The following HPSE2 variants were observed in gnomAD, a reference collection of about 807,000 sequenced individuals.
HPSE2 encodes heparanase 2 (inactive).
Under a neutral mutation model 60.5 loss-of-function variants are expected in HPSE2, and 38 were observed. The ratio of observed to expected loss-of-function variants is 0.63; its 90% CI spans 0.48 to 0.82. The LOEUF (loss-of-function observed/expected upper bound fraction) is 0.82, where lower values mean the gene tolerates loss of function less well. Among genes scored for constraint, HPSE2 ranks in the 40% least tolerant of loss-of-function variants. HPSE2 has a pLI of 0.00. For synonymous variants in HPSE2, 295 were observed against 293.2 expected (o/e 1.01, Z -0.06); for missense variants, 713 against 740.4 (o/e 0.96, Z 0.43).
intron 3 of HPSE2, among the ~76,000 whole-genome samples, chr10:99,043,309 C>T (rs1957783743): frequency 6.6e-6 from 1 of 152,040 alleles, no homozygotes; most frequent in African/African-American, 2.4e-5. Context: ...ACGGTGAAAC[C>T]CCATCTCTAC....
At chr10:98,998,932 G>A (rs1053786570) in intron 3 of HPSE2, among the ~76,000 whole-genome samples, 2 of 152,158 alleles carry the variant, frequency 1.3e-5, no homozygotes, top group African/African-American at 4.8e-5. Context: ...TGCCCGAAGG[G>A]CAAGCCAAGT....
At chr10:99,312,672 G>T in the HPSE2 span, among the ~76,000 whole-genome samples, 1 of 152,182 alleles carries the variant, frequency 6.6e-6, no homozygotes. Flanking sequence ...TTTCACATGT[G>T]CCAACACGTC....
intron 9 of HPSE2, among the ~76,000 whole-genome samples, chr10:98,515,573 A>T (rs1441188521): frequency 6.6e-6 from 1 of 152,330 alleles, no homozygotes; most frequent in East Asian, 1.9e-4. Flanking sequence ...TTTAAGGGGA[A>T]ATAAAACATG....
At chr10:98,824,962 A>G (rs1237782790) in intron 3 of HPSE2, among the ~76,000 whole-genome samples, 1 of 152,210 alleles carries the variant, frequency 6.6e-6, no homozygotes, top group African/African-American at 2.4e-5. Context: ...TTCACTCAAC[A>G]GACATTTATC....
At chr10:98,525,062 G>A (rs1207104075) in intron 9 of HPSE2, among the ~76,000 whole-genome samples, 1 of 152,312 alleles carries the variant, frequency 6.6e-6, no homozygotes, top group East Asian at 1.9e-4. Context: ...CCAGGCTGGA[G>A]TGCAATGGCA....
At chr10:98,652,300 T>C (rs563693350) in intron 6 of HPSE2, among the ~76,000 whole-genome samples, 1 of 152,268 alleles carries the variant, frequency 6.6e-6, no homozygotes, top group Non-Finnish European at 1.5e-5. Context: ...AACACCAACA[T>C]AGTGCATTGG....
At chr10:98,607,691 A>G (rs139050586) in intron 9 of HPSE2, among the ~76,000 whole-genome samples, 1 of 152,328 alleles carries the variant, frequency 6.6e-6, no homozygotes, top group African/African-American at 2.4e-5. Flanking sequence ...GTTGCTAGAA[A>G]ATTATAAAAA....
chr10:98,475,580 C>CAGAAATATA (rs1564904601), intron 11 of HPSE2, among the ~76,000 whole-genome samples: 19 of 151,920 alleles, frequency 1.3e-4, no homozygotes, highest in African/African-American at 4.4e-4. Flanking sequence ...TGGCATCTTT[C>CAGAAATATA]CCTCTGAGAA....
At chr10:98,489,876 A>G (rs552336436) in intron 10 of HPSE2, among the ~76,000 whole-genome samples, 175 bp downstream of exon 10, 1 of 152,364 alleles carries the variant, frequency 6.6e-6, no homozygotes, top group South Asian at 2.1e-4. Flanking sequence ...GTTTACTTGG[A>G]GTAAAAGCTA....
the HPSE2 span, among the ~76,000 whole-genome samples, chr10:99,242,387 T>C: frequency 6.6e-6 from 1 of 152,346 alleles, no homozygotes; most frequent in East Asian, 1.9e-4. Context: ...AACTCTGGTC[T>C]TTGTCCTTAC....
At chr10:99,268,271 C>G in the HPSE2 span, among the ~76,000 whole-genome samples, 100 of 152,230 alleles carry the variant, frequency 6.6e-4, 1 homozygote, top group Non-Finnish European at 7.4e-5. Context: ...ACTACCAACC[C>G]AACACTACAA....
intron 9 of HPSE2, among the ~76,000 whole-genome samples, chr10:98,513,736 C>T (rs1942497698): frequency 6.6e-6 from 1 of 152,214 alleles, no homozygotes; most frequent in African/African-American, 2.4e-5. Flanking sequence ...CTTGTTTCAA[C>T]AACTTGGAGA....
rs541216985 is a variant in HPSE2 at position 99,166,822 on chromosome 10, TG to T, written c.449-22424del. Among the ~76,000 whole-genome samples the T allele has an allele frequency of 4.6e-3, 690 of 151,086 alleles. 4 individuals are homozygous for T. Among genetic ancestry groups the T allele is most frequent in the African/African-American group, 0.015 (634 of 41,040 alleles). ...AGATTGCACTCACTGCACTCCAGCCTGGTGACAGAGTGAGACTCCATCTCAA... is the reference window on the plus strand; with the variant it reads ...AGATTGCACTCACTGCACTCCAGCCTGTGACAGAGTGAGACTCCATCTCAA... On this transcript the variant is annotated intron_variant, in intron 2 of 11. Coordinates refer to ENST00000370552, the MANE Select transcript of HPSE2 (RefSeq NM_021828.5).
intron 6 of HPSE2, among the ~76,000 whole-genome samples, chr10:98,659,083 C>A (rs562688977): frequency 6.6e-6 from 1 of 152,224 alleles, no homozygotes; most frequent in Non-Finnish European, 1.5e-5. Context: ...ATTAAGCAGT[C>A]ACTCACCATT....
chr10:98,765,577 C>T (rs1042482192), intron 3 of HPSE2, among the ~76,000 whole-genome samples: 1 of 152,056 alleles, frequency 6.6e-6, no homozygotes, highest in Non-Finnish European at 1.5e-5. Flanking sequence ...TGGTGGCTCA[C>T]GTCTGTAATC....
intron 2 of HPSE2, among the ~76,000 whole-genome samples, chr10:99,148,564 G>A (rs1315004093): frequency 2.0e-5 from 3 of 152,058 alleles, no homozygotes; most frequent in Non-Finnish European, 4.4e-5. Context: ...CCCAAGGTGG[G>A]CGCATCACCT....
chr10:98,750,979 A>C (rs1949744803), intron 3 of HPSE2, among the ~76,000 whole-genome samples: 1 of 152,182 alleles, frequency 6.6e-6, no homozygotes, highest in African/African-American at 2.4e-5. Context: ...GGGATCTTCC[A>C]GTTTACAGAT....
At chr10:98,670,502 G>A (rs2134110075) in intron 6 of HPSE2, among the ~76,000 whole-genome samples, 2 of 152,260 alleles carry the variant, frequency 1.3e-5, no homozygotes, top group East Asian at 3.9e-4. Context: ...GAAAATTCAA[G>A]ATCTGAAATG....
At chr10:98,626,606 C>A (rs1006516759) in intron 7 of HPSE2, among the ~76,000 whole-genome samples, 1 of 151,986 alleles carries the variant, frequency 6.6e-6, no homozygotes, top group African/African-American at 2.4e-5. Context: ...GCAGGAGTAT[C>A]CGGAGAAAAC....
Sources: allele counts gnomAD v4.1 joint callset (sites outside exome capture counted in the v4.1 genomes callset), GRCh38; gene constraint gnomAD v4.1.1; transcripts MANE v1.5; gene names NCBI Gene and HGNC (gene_info 2026-07-23, HGNC 2026-07-21).